The following TOP1MT variants were observed in gnomAD, a reference collection of about 807,000 sequenced individuals.
The protein encoded by TOP1MT is DNA topoisomerase I mitochondrial, also known as DNA topoisomerase I, mitochondrial.
TOP1MT carries 80 observed loss-of-function variants against 73.9 expected under a neutral mutation model. That is an observed-to-expected ratio of 1.08 (90% CI 0.90 to 1.30). The LOEUF is 1.30. Ranked by LOEUF, TOP1MT falls within the 50% of genes most tolerant of loss-of-function variation. The probability of loss-of-function intolerance (pLI) is 0.00; values close to 1 mark genes in which losing one functional copy is unlikely to be tolerated. For synonymous variants in TOP1MT, 338 were observed against 326.4 expected (o/e 1.04, Z -0.38); for missense variants, 815 against 808.0 (o/e 1.01, Z -0.10).
intron 7 of TOP1MT, among the ~76,000 whole-genome samples, chr8:143,323,214 C>T (rs1417489627): frequency 7.6e-6 from 1 of 132,132 alleles, no homozygotes; most frequent in Non-Finnish European, 1.6e-5. Context: ...AGGCACGCCA[C>T]ACAGGCACGC....
At chr8:143,322,236 TGCATGCCACACAC>T (rs1563758976) in intron 7 of TOP1MT, among the ~76,000 whole-genome samples, 119 of 10,424 alleles carry the variant, frequency 0.011, 10 homozygotes, top group Middle Eastern at 0.05. Flanking sequence ...GCCACACACA[TGCATGCCACACAC>T]GCACGCCACA....
Position 143,351,354 on chromosome 8 carries a change from C to T in TOP1MT, c.-39+4611G>A, listed in dbSNP as rs113908762. Among the ~76,000 whole-genome samples, 326 of 152,188 alleles carry T rather than the reference C, an allele frequency of 2.1e-3. 4 individuals are homozygous for T. The highest frequency in any genetic ancestry group is 7.3e-3 in the African/African-American group (303 of 41,518). On this transcript the variant is annotated intron_variant, in intron 1 of 5. Transcript: ENST00000518760. The stretch of plus-strand genomic sequence containing the variant: ...TTGGGAGGCCAAGGTGGGTGGATCA[C>T]CTGAGGTCAGGAGTTCAAGACCAGC...
chr8:143,311,486 G>A (rs1037586037), intron 12 of TOP1MT, among the ~76,000 whole-genome samples: 4 of 152,130 alleles, frequency 2.6e-5, no homozygotes, highest in African/African-American at 7.2e-5. Context: ...AGTGGCTCAC[G>A]CCTGTAATCC....
chr8:143,323,440 G>A (rs1449735457), intron 7 of TOP1MT, among the ~76,000 whole-genome samples: 2 of 44,786 alleles, frequency 4.5e-5, no homozygotes, highest in Non-Finnish European at 7.8e-5. Flanking sequence ...CGCCACACAC[G>A]CACGCCACAC....
chr8:143,331,128 G>A, intron 2 of TOP1MT, 96 bp downstream of exon 2: 1 of 949,288 alleles, frequency 1.1e-6, no homozygotes, highest in Non-Finnish European at 1.6e-6. Flanking sequence ...CCAGAAGCCT[G>A]CAGGGGGGCT....
At chr8:143,342,304 A>G (rs1363080333) in intron 2 of TOP1MT, among the ~76,000 whole-genome samples, 5 of 134,432 alleles carry the variant, frequency 3.7e-5, no homozygotes. Flanking sequence ...TGTTATTATT[A>G]TTATTATTAG....
chr8:143,332,913 G>T (rs1013231058), intron 1 of TOP1MT, among the ~76,000 whole-genome samples: 6 of 152,094 alleles, frequency 3.9e-5, no homozygotes, highest in Non-Finnish European at 7.4e-5. Context: ...GGAGAGGGGG[G>T]TTCTGCTGAC....
intron 12 of TOP1MT, among the ~76,000 whole-genome samples, chr8:143,315,240 G>A (rs952202734): frequency 3.3e-5 from 5 of 152,298 alleles, no homozygotes; most frequent in Admixed American, 6.5e-5. Context: ...CAGTGGTCAT[G>A]CTCCTAGTCT....
chr8:143,327,683 T>G (rs1005017819), intron 3 of TOP1MT: 1 of 378,664 alleles, frequency 2.6e-6, no homozygotes, highest in African/African-American at 2.1e-5. Flanking sequence ...GAAGAAGTGC[T>G]GACCAGAGGG....
At chr8:143,332,453 C>T in intron 1 of TOP1MT, 1 of 1,279,310 alleles carries the variant, frequency 7.8e-7, no homozygotes, top group Non-Finnish European at 1.0e-6. Flanking sequence ...CCCCCAGACG[C>T]ACAAGGACAG....
rs145669206 is a variant in TOP1MT, at chr8:143,312,600, G to A, written c.1554-2383C>T. On this transcript the variant is annotated intron_variant, in intron 12 of 13. Coordinates refer to ENST00000329245, the MANE Select transcript of TOP1MT (RefSeq NM_052963.3). ...AAACAGCTTCTGTGAAAAACCTACA[G>A]TTAACATCATATTCCATGATAAAAG... Among the ~76,000 whole-genome samples the A allele has an allele frequency of 2.3e-4, 35 of 152,244 alleles. No homozygotes were observed. The East Asian group carries it at 6.0e-3, about 26-fold the overall frequency.
chr8:143,331,100 G>A (rs1331064158), intron 2 of TOP1MT, 124 bp downstream of exon 2: 2 of 707,316 alleles, frequency 2.8e-6, no homozygotes, highest in Non-Finnish European at 4.7e-6. Flanking sequence ...GCAAGAAGAG[G>A]GCACAGAGCG....
chr8:143,348,036 G>C (rs1817258468), upstream of TOP1MT, among the ~76,000 whole-genome samples: 1 of 152,172 alleles, frequency 6.6e-6, no homozygotes, highest in Non-Finnish European at 1.5e-5. The surrounding 1 kb of genome is among the most constrained non-coding windows in gnomAD (Gnocchi z 4.6). Flanking sequence ...AGCCTTGCAA[G>C]CCAGAGGGGA....
At chr8:143,355,537 C>A (rs1817393789) in intron 1 of TOP1MT, 3 of 152,178 alleles carry the variant, frequency 2.0e-5, no homozygotes, top group African/African-American at 7.2e-5. Flanking sequence ...AGGCCTAATG[C>A]CTTTCAACTT....
intron 1 of TOP1MT, chr8:143,332,741 T>C (rs1181607658): frequency 4.8e-6 from 2 of 420,444 alleles, no homozygotes; most frequent in East Asian, 1.5e-4. Context: ...TCAAGAACCT[T>C]CCAGGGTGGA....
upstream of TOP1MT, chr8:143,359,553 G>A: frequency 2.4e-6 from 1 of 422,854 alleles, no homozygotes; most frequent in Non-Finnish European, 3.2e-6. Flanking sequence ...GGGGCAGCCA[G>A]GGGAGAGGAC....
chr8:143,342,802 A>ATTATTATTATT (rs71313300), intron 2 of TOP1MT, among the ~76,000 whole-genome samples: 1 of 149,826 alleles, frequency 6.7e-6, no homozygotes, highest in Non-Finnish European at 1.5e-5. Flanking sequence ...TATTATTATT[A>ATTATTATTATT]GAGACAGAGT....
At chr8:143,322,053 CACAG>C (rs2130085052) in intron 7 of TOP1MT, among the ~76,000 whole-genome samples, 1 of 113,700 alleles carries the variant, frequency 8.8e-6, no homozygotes, top group Non-Finnish European at 1.9e-5. Context: ...ATGCCACACA[CACAG>C]GCACGCCACA....
At chr8:143,359,456 C>A, upstream of TOP1MT, 2 of 984,878 alleles carry the variant, frequency 2.0e-6, no homozygotes, top group Non-Finnish European at 2.4e-6. Context: ...TTTCCAGACC[C>A]TTTTCCTAGG....
Sources: gnomAD v4.1 joint callset for allele counts (sites outside exome capture counted in the v4.1 genomes callset) on GRCh38, gnomAD v4.1.1 for gene constraint, Gnocchi (gnomAD v3.1) non-coding constraint, MANE v1.5 for transcripts, NCBI Gene and HGNC (gene_info 2026-07-23, HGNC 2026-07-21) for gene names.